IL1RAPL1: variants seen among roughly 807,000 people sequenced by gnomAD.
The protein encoded by IL1RAPL1 is interleukin-1 receptor accessory protein-like 1.
In IL1RAPL1, 3 loss-of-function variants were observed where a neutral mutation model predicts 48.4. The ratio of observed to expected loss-of-function variants is 0.06; its 90% CI spans 0.03 to 0.16. The LOEUF (loss-of-function observed/expected upper bound fraction) is 0.16, where lower values mean the gene tolerates loss of function less well. Among genes scored for constraint, IL1RAPL1 ranks in the 10% least tolerant of loss-of-function variants. The probability of loss-of-function intolerance (pLI) is 1.00; values close to 1 mark genes in which losing one functional copy is unlikely to be tolerated. For synonymous variants in IL1RAPL1, 185 were observed against 187.7 expected (o/e 0.99, Z 0.12); for missense variants, 349 against 530.6 (o/e 0.66, Z 3.36).
At chrX:28,855,200 A>T (rs1482514066) in intron 2 of IL1RAPL1, among the ~76,000 whole-genome samples, 1 of 110,450 alleles carries the variant, frequency 9.1e-6, no homozygotes, top group Non-Finnish European at 1.9e-5. Flanking sequence ...TTGTATTTTT[A>T]CTAGAGATGG....
intron 6 of IL1RAPL1, among the ~76,000 whole-genome samples, chrX:29,790,929 G>T (rs1929614112): frequency 8.9e-6 from 1 of 111,797 alleles, no homozygotes; most frequent in Non-Finnish European, 1.9e-5. Flanking sequence ...ACTGGACCTT[G>T]CTTCTTTCTC....
intron 5 of IL1RAPL1, among the ~76,000 whole-genome samples, chrX:29,481,087 C>G (rs1023902052): frequency 2.7e-5 from 3 of 112,118 alleles, no homozygotes; most frequent in African/African-American, 9.7e-5. Context: ...CTAAAATATT[C>G]TAAAATCAGC....
At chrX:29,737,679 G>A (rs972906835) in intron 6 of IL1RAPL1, among the ~76,000 whole-genome samples, 6 of 111,816 alleles carry the variant, frequency 5.4e-5, no homozygotes, top group South Asian at 3.8e-4. Context: ...ACCAAGAGCC[G>A]GGAAGTATCT....
Position 28,800,344 on chromosome X carries a change from C to T in IL1RAPL1, c.82+10919C>T, listed in dbSNP as rs184347004. The stretch of plus-strand genomic sequence containing the variant: ...TCCAAATAAATTCATATGCACAGGT[C>T]TTGGCGGACATATCTTTTGGGGGAC... On this transcript the variant is annotated intron_variant, in intron 2 of 10. Transcript: ENST00000378993. 2.2e-4 allele frequency among the ~76,000 whole-genome samples: 25 copies of T among 112,275 alleles called. No homozygotes were observed. In the East Asian group the frequency reaches 6.4e-3, roughly 29 times the overall value.
intron 6 of IL1RAPL1, among the ~76,000 whole-genome samples, chrX:29,914,617 T>C (rs1174367321): frequency 2.7e-5 from 3 of 111,629 alleles, no homozygotes; most frequent in African/African-American, 9.8e-5. Context: ...TTAATCATCA[T>C]ACTAGGTAGT....
In IL1RAPL1 at chrX:29,226,937, T is replaced by A. The variant is rs60260296; in HGVS notation, c.83-56001T>A. 3.5e-3 allele frequency among the ~76,000 whole-genome samples: 390 copies of A among 110,731 alleles called. 2 individuals are homozygous for A. Among genetic ancestry groups the A allele is most frequent in the African/African-American group, 0.012 (376 of 30,529 alleles). ...TTCCAGGGACTTAAAACAAATTGAA[T>A]TCTCCAAAGAACATTATTATAAACT... On this transcript the variant is annotated intron_variant, in intron 2 of 10. Transcript: ENST00000378993.
chrX:29,290,643 G>A (rs1291980032), intron 3 of IL1RAPL1, among the ~76,000 whole-genome samples: 1 of 111,999 alleles, frequency 8.9e-6, no homozygotes, highest in African/African-American at 3.2e-5. Flanking sequence ...ACGTGACTCT[G>A]CAATGTGGGC....
intron 5 of IL1RAPL1, among the ~76,000 whole-genome samples, chrX:29,570,965 T>C (rs1922573198): frequency 8.9e-6 from 1 of 112,485 alleles, no homozygotes; most frequent in South Asian, 3.7e-4. Context: ...CTCACGCCTG[T>C]AATCCCAGCA....
chrX:29,322,641 T>C lies in IL1RAPL1; in HGVS notation c.362+39424T>C, dbSNP rs181177846. 5.4e-5 allele frequency among the ~76,000 whole-genome samples: 6 copies of C among 111,869 alleles called. No individual in the cohort carries two copies. In the Admixed American group the frequency reaches 5.7e-4, roughly 11 times the overall value. On this transcript the variant is annotated intron_variant, in intron 3 of 10. Coordinates refer to ENST00000378993, the MANE Select transcript of IL1RAPL1 (RefSeq NM_014271.4). ...CATAATAAACTACTCTAAAACTGAA[T>C]GGCTTAAGACAATTTAGTTCACTGT...
At chrX:29,728,472 T>A (rs1927836471) in intron 6 of IL1RAPL1, among the ~76,000 whole-genome samples, 1 of 112,002 alleles carries the variant, frequency 8.9e-6, no homozygotes, top group Non-Finnish European at 1.9e-5. Flanking sequence ...CTGGGGGTGC[T>A]ATAGAATCTG....
chrX:29,454,893 A>G (rs1934721066), intron 5 of IL1RAPL1, among the ~76,000 whole-genome samples: 1 of 109,533 alleles, frequency 9.1e-6, no homozygotes, highest in Non-Finnish European at 1.9e-5. Flanking sequence ...TGATAGTTCC[A>G]TGTCTTCAGT....
At chrX:29,296,877 T>C (rs1374253045) in intron 3 of IL1RAPL1, among the ~76,000 whole-genome samples, 1 of 112,304 alleles carries the variant, frequency 8.9e-6, no homozygotes, top group East Asian at 2.8e-4. Flanking sequence ...GGTATGGCTT[T>C]TCTCATCGGT....
At chrX:28,619,135 T>C (rs1934254607) in intron 1 of IL1RAPL1, among the ~76,000 whole-genome samples, 1 of 112,392 alleles carries the variant, frequency 8.9e-6, no homozygotes, top group Non-Finnish European at 1.9e-5. Context: ...AAAAGTTATT[T>C]ACATTAATCT....
At chrX:29,393,142 T>C (rs1933874772) in intron 3 of IL1RAPL1, among the ~76,000 whole-genome samples, 2 of 97,814 alleles carry the variant, frequency 2.0e-5, no homozygotes, top group Admixed American at 1.2e-4. Context: ...TTTCTGTTTT[T>C]TGAGATGGAG....
chrX:29,950,028 G>C (rs1295027987), intron 9 of IL1RAPL1, among the ~76,000 whole-genome samples: 2 of 112,046 alleles, frequency 1.8e-5, no homozygotes, highest in Non-Finnish European at 3.8e-5. Context: ...TCTGGAGAAA[G>C]AGAGAAATTA....
At chrX:29,494,274 C>T (rs192248192) in intron 5 of IL1RAPL1, among the ~76,000 whole-genome samples, 57 of 111,780 alleles carry the variant, frequency 5.1e-4, no homozygotes, top group Admixed American at 1.5e-3. Context: ...CCTCTAGTTG[C>T]ATCTATGTTG....
rs184596053 is a variant in IL1RAPL1, at chrX:29,546,431, G to A, written c.704-121999G>A. Among the ~76,000 whole-genome samples the A allele has an allele frequency of 5.4e-5, 6 of 111,410 alleles. No homozygotes were observed. The East Asian group carries it at 1.7e-3, about 31-fold the overall frequency. ...AAATAGCATGTGTCCTTTTTAAGAT[G>A]GTGATGTTGCATTCTGCGAAGAAAT... is the stretch of plus-strand genomic sequence containing the variant. On this transcript the variant is annotated intron_variant, in intron 5 of 10. Transcript: ENST00000378993.
chrX:28,745,120 A>G (rs6653805), intron 1 of IL1RAPL1, among the ~76,000 whole-genome samples: 129 of 111,545 alleles, frequency 1.2e-3, no homozygotes, highest in African/African-American at 3.9e-3. Context: ...TTCAATTAAG[A>G]TGGAAAGGGG....
At chrX:28,697,182 A>G (rs2146928167) in intron 1 of IL1RAPL1, among the ~76,000 whole-genome samples, 1 of 111,188 alleles carries the variant, frequency 9.0e-6, no homozygotes, top group African/African-American at 3.3e-5. Flanking sequence ...TCTGTAAATT[A>G]TCCAATTTAA....
Sources: allele counts gnomAD v4.1 joint callset (sites outside exome capture counted in the v4.1 genomes callset), GRCh38; gene constraint gnomAD v4.1.1; transcripts MANE v1.5; gene names NCBI Gene and HGNC (gene_info 2026-07-23, HGNC 2026-07-21).